ALOX5: variants seen among roughly 807,000 people sequenced by gnomAD.
The protein encoded by ALOX5 is polyunsaturated fatty acid 5-lipoxygenase.
A neutral mutation model predicts 87.9 loss-of-function variants in ALOX5; 64 were observed. That is an observed-to-expected ratio of 0.73 (90% CI 0.60 to 0.90). The LOEUF is 0.90. ALOX5 is among the 40% of genes least tolerant of loss of function. ALOX5 has a pLI of 0.00. For missense variants in ALOX5, 822 were observed against 907.5 expected (o/e 0.91, Z 1.21); for synonymous variants, 388 against 355.1 (o/e 1.09, Z -1.04).
intron 2 of ALOX5, among the ~76,000 whole-genome samples, chr10:45,384,209 G>A (rs920250134): frequency 1.3e-5 from 2 of 152,024 alleles, no homozygotes; most frequent in Admixed American, 1.3e-4. Flanking sequence ...AAAGGTTCTG[G>A]GGAGTGATTG....
Position 45,440,003 on chromosome 10 carries a change from G to A in ALOX5, c.982-427G>A. 1.3e-5 allele frequency among the ~76,000 whole-genome samples: 2 copies of A among 152,182 alleles called. 1 individual carries two copies. The highest frequency in any genetic ancestry group is 3.9e-4 in the East Asian group (2 of 5,182). On this transcript the variant is annotated intron_variant, in intron 7 of 13. Transcript: ENST00000374391. ...ACCCTGGGGAGCTCCAGCATTTCAG[G>A]GAAGAGGAGAGGGAGGAAAGTATGA...
chr10:45,403,820 G>A (rs1840784595), intron 3 of ALOX5, among the ~76,000 whole-genome samples: 1 of 152,132 alleles, frequency 6.6e-6, no homozygotes, highest in African/African-American at 2.4e-5. Flanking sequence ...TGCACACGTT[G>A]TGCTTGAGCT....
chr10:45,444,188 G>T lies in ALOX5; in HGVS notation c.1747G>T (p.Val583Leu). ...CCCGCCACCGACTGCCAAGGGCGTG[G>T]TGACCATTGAGCAGATCGTGGACAC... Reference protein sequence around the residue: ...RAPPPTAKGVVTIEQIVDTLP... With the variant: ...RAPPPTAKGVLTIEQIVDTLP... Residue 583 changes from valine to leucine, a missense_variant, in exon 13 of 14, where the codon GTG (valine) becomes TTG (leucine). Physicochemically the swap from Val to Leu is conservative, Grantham distance 32. Coordinates refer to ENST00000374391, the MANE Select transcript of ALOX5 (RefSeq NM_000698.5). 1 of 1,557,100 alleles carries T rather than the reference G, an allele frequency of 6.4e-7. No individual in the cohort carries two copies. Among genetic ancestry groups the T allele is most frequent in the Non-Finnish European group, 8.7e-7 (1 of 1,150,436 alleles).
chr10:45,383,300 G>A (rs567243826), intron 2 of ALOX5, among the ~76,000 whole-genome samples: 20 of 152,252 alleles, frequency 1.3e-4, no homozygotes, highest in Non-Finnish European at 2.4e-4. Context: ...CCAGTTAGGA[G>A]GCCATTCTTT....
chr10:45,408,346 G>A (rs1840951744), intron 3 of ALOX5, among the ~76,000 whole-genome samples: 1 of 152,204 alleles, frequency 6.6e-6, no homozygotes, highest in Non-Finnish European at 1.5e-5. Context: ...ATGGACAGTG[G>A]TTTGGTTTTG....
chr10:45,444,482 A>T lies in ALOX5; in HGVS notation c.1845+196A>T, dbSNP rs952088739. ...AGCCTGGACAGAGCTCAGGGTGTGCAGGGCAGGAGAGCACACAGCCCAGGC... is the reference window on the plus strand; with the variant it reads ...AGCCTGGACAGAGCTCAGGGTGTGCTGGGCAGGAGAGCACACAGCCCAGGC... On this transcript the variant is annotated intron_variant, in intron 13 of 13. Transcript: ENST00000374391. The T allele has an allele frequency of 8.6e-6, 6 of 694,886 alleles. No homozygotes were observed. In the African/African-American group the frequency reaches 9.2e-5, roughly 11 times the overall value. 43.0% of individuals were successfully genotyped at this position (694,886 alleles called of 1,614,324 possible).
chr10:45,415,907 T>C (rs932245104), intron 4 of ALOX5, among the ~76,000 whole-genome samples: 1 of 152,346 alleles, frequency 6.6e-6, no homozygotes, highest in Middle Eastern at 3.4e-3. Flanking sequence ...AGCTTAATTT[T>C]TCCCTTTTGG....
Position 45,444,451 on chromosome 10 carries a change from G to A in ALOX5, c.1845+165G>A, listed in dbSNP as rs189891524. 5.6e-5 allele frequency: 54 copies of A among 972,744 alleles called. 1 individual carries two copies. The East Asian group carries it at 8.1e-4, about 15-fold the overall frequency. 60.3% of individuals were successfully genotyped at this position (972,744 alleles called of 1,614,324 possible). A position where few individuals can be genotyped will look rare whatever the true frequency, so the allele number is the denominator to read the frequency against. Reference sequence around the variant, plus strand: ...GGCTGCAGCCGCCACCAGGTCCCCCGGCCTCAGCCTGGACAGAGCTCAGGG... The same window carrying A: ...GGCTGCAGCCGCCACCAGGTCCCCCAGCCTCAGCCTGGACAGAGCTCAGGG... On this transcript the variant is annotated intron_variant, in intron 13 of 13. Coordinates refer to ENST00000374391, the MANE Select transcript of ALOX5 (RefSeq NM_000698.5).
chr10:45,413,826 A>G lies in ALOX5; in HGVS notation c.554+1513A>G, dbSNP rs369595306. ...AGACAGACAGCCAAATCATGAGTGAACTCCCATTCACAATTGCTTCAAAGA... is the reference window on the plus strand; with the variant it reads ...AGACAGACAGCCAAATCATGAGTGAGCTCCCATTCACAATTGCTTCAAAGA... On this transcript the variant is annotated intron_variant, in intron 4 of 13. Transcript: ENST00000374391. 7.0e-3 allele frequency among the ~76,000 whole-genome samples: 1,065 copies of G among 152,278 alleles called. 22 individuals carry two copies. The highest frequency in any genetic ancestry group is 0.062 in the East Asian group (321 of 5,190).
In ALOX5 at chr10:45,425,233, C is replaced by T; in HGVS notation, c.834+101C>T. 2 of 1,388,766 alleles carry T rather than the reference C, an allele frequency of 1.4e-6. No individual in the cohort carries two copies. The highest frequency in any genetic ancestry group is 1.9e-6 in the Non-Finnish European group (2 of 1,036,754). The allele number at this position is 1,388,766 out of a possible 1,614,324, so 86.0% of individuals were successfully genotyped here. ...TCATAGGCCACCAAGACGCTAACTG[C>T]AGGCCCATCTGGCCTACAGCAGCCG... On this transcript the variant is annotated intron_variant, in intron 6 of 13. Transcript: ENST00000374391. The surrounding 1 kb of genome is among the most constrained non-coding windows in gnomAD (Gnocchi z 4.4).
chr10:45,412,287 G>A lies in ALOX5; in HGVS notation c.528G>A (p.Val176=). ...RDIQFDSEKG[V]DFVLNYSKAM... Reference sequence around the variant, plus strand: ...TCCAGTTTGATAGTGAAAAAGGAGTGGACTTTGTTCTGAATTACTCCAAAG... The same window carrying A: ...TCCAGTTTGATAGTGAAAAAGGAGTAGACTTTGTTCTGAATTACTCCAAAG... The change falls in exon 4 of 14, where the codon GTG becomes GTA. Residue 176 remains valine (V), a synonymous_variant. Transcript: ENST00000374391. 1.9e-6 allele frequency: 3 copies of A among 1,614,172 alleles called. No individual in the cohort carries two copies. The highest frequency in any genetic ancestry group is 2.5e-6 in the Non-Finnish European group (3 of 1,180,038).
chr10:45,413,085 C>A (rs1841128765), intron 4 of ALOX5, among the ~76,000 whole-genome samples: 1 of 152,306 alleles, frequency 6.6e-6, no homozygotes, highest in South Asian at 2.1e-4. Context: ...CTCCCTAACT[C>A]ATTATATGAG....
chr10:45,384,789 A>C (rs563545317), intron 2 of ALOX5, among the ~76,000 whole-genome samples: 239 of 150,880 alleles, frequency 1.6e-3, no homozygotes, highest in African/African-American at 5.3e-3. Context: ...GGGGATGCAG[A>C]CCCCCCCATC....
intron 4 of ALOX5, among the ~76,000 whole-genome samples, chr10:45,415,312 AT>A (rs1400748917): frequency 3.9e-5 from 6 of 152,202 alleles, no homozygotes; most frequent in Non-Finnish European, 7.3e-5. Context: ...GGAAACCATT[AT>A]TCTCAGCAAA....
At chr10:45,437,297 G>A (rs1011740925) in intron 7 of ALOX5, among the ~76,000 whole-genome samples, 7 of 152,222 alleles carry the variant, frequency 4.6e-5, no homozygotes, top group African/African-American at 7.2e-5. Context: ...AGGTTGCAGT[G>A]AGCTGCGATC....
At position 45,443,747 on chromosome 10, in the gene ALOX5, G is replaced by A. The variant is rs747589653; in HGVS notation, c.1593G>A (p.Lys531=). 2 of 1,612,228 alleles carry A rather than the reference G, an allele frequency of 1.2e-6. No individual in the cohort carries two copies. Among genetic ancestry groups the A allele is most frequent in the South Asian group, 1.1e-5 (1 of 90,920 alleles). ...CCCTAGGCTTCCCCAAGTCGGTCAA[G>A]AGCCGGGAGCAGCTGTCGGAGTACC... ...RKSSGFPKSV[K]SREQLSEYLT... The change falls in exon 12 of 14, where the codon AAG becomes AAA. Residue 531 remains lysine, a synonymous_variant. Transcript: ENST00000374391.
At chr10:45,443,893 C>G (rs1276540814) in intron 12 of ALOX5, 65 bp downstream of exon 12, 4 of 1,513,596 alleles carry the variant, frequency 2.6e-6, no homozygotes, top group Admixed American at 2.0e-5. Flanking sequence ...TCCCCCGCCC[C>G]GGTTCTGCAC....
chr10:45,388,093 T>C (rs1295578521), intron 2 of ALOX5, among the ~76,000 whole-genome samples: 1 of 152,192 alleles, frequency 6.6e-6, no homozygotes, highest in Non-Finnish European at 1.5e-5. Context: ...ACCCTAATAC[T>C]GTACTTTTCC....
At chr10:45,385,547 A>G (rs948541685) in intron 2 of ALOX5, among the ~76,000 whole-genome samples, 1 of 152,212 alleles carries the variant, frequency 6.6e-6, no homozygotes, top group African/African-American at 2.4e-5. Flanking sequence ...TTCCGCATGT[A>G]CTGACTTATT....
Sources: gnomAD v4.1 joint callset for allele counts (sites outside exome capture counted in the v4.1 genomes callset) on GRCh38, gnomAD v4.1.1 for gene constraint, Gnocchi (gnomAD v3.1) non-coding constraint, MANE v1.5 for transcripts, NCBI Gene and HGNC (gene_info 2026-07-23, HGNC 2026-07-21) for gene names.